TNS1: variants seen among roughly 807,000 people sequenced by gnomAD.
TNS1 encodes tensin-1.
Under a neutral mutation model 168.6 loss-of-function variants are expected in TNS1, and 62 were observed. The ratio of observed to expected loss-of-function variants is 0.37; its 90% CI spans 0.30 to 0.45. The LOEUF is 0.45. TNS1 is among the 20% of genes least tolerant of loss of function. The probability of loss-of-function intolerance (pLI) is 1.00; values close to 1 mark genes in which losing one functional copy is unlikely to be tolerated. For synonymous variants in TNS1, 934 were observed against 933.2 expected (o/e 1.00, Z -0.02); for missense variants, 2,240 against 2,339.4 (o/e 0.96, Z 0.88).
At chr2:217,978,244 C>G (rs1045856249) in intron 3 of TNS1, among the ~76,000 whole-genome samples, 7 of 152,200 alleles carry the variant, frequency 4.6e-5, no homozygotes, top group Admixed American at 4.6e-4. Context: ...AAGGGACAGT[C>G]TCTCAGGCGG....
At chr2:217,864,299 G>A (rs1194237542) in intron 18 of TNS1, among the ~76,000 whole-genome samples, 1 of 152,228 alleles carries the variant, frequency 6.6e-6, no homozygotes, top group Non-Finnish European at 1.5e-5. Flanking sequence ...GCGAAGGAGA[G>A]GGTAGAATGG....
intron 3 of TNS1, among the ~76,000 whole-genome samples, chr2:217,952,408 T>C (rs1957265080): frequency 6.6e-6 from 1 of 152,080 alleles, no homozygotes; most frequent in African/African-American, 2.4e-5. Context: ...TCATATTGCC[T>C]CTAAAAGGCC....
intron 2 of TNS1, among the ~76,000 whole-genome samples, chr2:217,989,698 G>A (rs1046556351): frequency 2.6e-5 from 4 of 152,096 alleles, no homozygotes; most frequent in African/African-American, 9.7e-5. Flanking sequence ...CGCTGAGTCT[G>A]ACTCGGGGCC....
rs1204374758 is a variant in TNS1, at chr2:217,813,038, G to A, written c.4954+177C>T. ...CAAACACAGACTGCAGTTTGGCAGAGTTAGGAGCCGCACTGCGGAGGGAGA... is the reference window on the plus strand; with the variant it reads ...CAAACACAGACTGCAGTTTGGCAGAATTAGGAGCCGCACTGCGGAGGGAGA... On this transcript the variant is annotated intron_variant, in intron 27 of 32. Coordinates refer to ENST00000682258, the MANE Select transcript of TNS1 (RefSeq NM_001387777.1). This position sits in a 1 kb window ranked among gnomAD's most constrained non-coding sequence, Gnocchi z 4.0. Among the ~76,000 whole-genome samples, 1 of 152,356 alleles carries A rather than the reference G, an allele frequency of 6.6e-6. No homozygotes were observed. Among genetic ancestry groups the A allele is most frequent in the Non-Finnish European group, 1.5e-5 (1 of 68,038 alleles).
chr2:217,892,803 G>A, intron 11 of TNS1, 145 bp downstream of exon 11: 1 of 865,436 alleles, frequency 1.2e-6, no homozygotes, highest in Admixed American at 2.8e-5. Context: ...CTCAGAGCCA[G>A]GGGCCCCTTC....
intron 6 of TNS1, 110 bp downstream of exon 6, chr2:217,906,225 G>C (rs1365087870): frequency 1.5e-6 from 1 of 656,646 alleles, no homozygotes; most frequent in Non-Finnish European, 2.8e-6. Context: ...TCCTTCTAGA[G>C]AGAGGTAAAG....
chr2:218,013,705 C>G (rs1367065423), upstream of TNS1, among the ~76,000 whole-genome samples: 1 of 152,108 alleles, frequency 6.6e-6, no homozygotes, highest in Non-Finnish European at 1.5e-5. Context: ...TCCTCCCTCC[C>G]GCACCTCTCC....
At chr2:217,830,446 G>A in intron 22 of TNS1, 1 of 1,599,688 alleles carries the variant, frequency 6.3e-7, no homozygotes, top group African/African-American at 1.3e-5. Context: ...TAAAACCAGA[G>A]TCCAGGGAGC....
chr2:217,953,656 C>T (rs893540578), intron 3 of TNS1, among the ~76,000 whole-genome samples: 1 of 152,126 alleles, frequency 6.6e-6, no homozygotes, highest in South Asian at 2.1e-4. Context: ...TGCCAAAGAG[C>T]CCGCTCCCAC....
intron 4 of TNS1, among the ~76,000 whole-genome samples, chr2:217,912,943 T>C (rs1954596206): frequency 6.6e-6 from 1 of 152,194 alleles, no homozygotes; most frequent in South Asian, 2.1e-4. Context: ...AACACCTTTC[T>C]GCAAATGAGG....
intron 3 of TNS1, among the ~76,000 whole-genome samples, chr2:217,936,202 A>T (rs1345859471): frequency 6.6e-6 from 1 of 152,084 alleles, no homozygotes; most frequent in East Asian, 1.9e-4. Flanking sequence ...TCGTTCATTC[A>T]TTCATTCATT....
intron 6 of TNS1, among the ~76,000 whole-genome samples, chr2:217,906,061 C>T (rs900360760): frequency 7.9e-5 from 12 of 152,206 alleles, no homozygotes; most frequent in Admixed American, 7.8e-4. Flanking sequence ...CCCATGGCCA[C>T]TCATCACACA....
At chr2:217,990,540 T>A (rs1021327615) in intron 2 of TNS1, among the ~76,000 whole-genome samples, 29 of 149,902 alleles carry the variant, frequency 1.9e-4, no homozygotes, top group African/African-American at 7.2e-4. Flanking sequence ...CCACACATCG[T>A]CAACATGCAT....
At chr2:218,023,528 T>C (rs765203584) in intron 1 of TNS1, among the ~76,000 whole-genome samples, 1 of 152,134 alleles carries the variant, frequency 6.6e-6, no homozygotes, top group African/African-American at 2.4e-5. Context: ...CCTGGCCAAG[T>C]CAGCAAGTGA....
chr2:217,811,906 G>T (rs1940985864), intron 28 of TNS1, among the ~76,000 whole-genome samples: 1 of 152,184 alleles, frequency 6.6e-6, no homozygotes, highest in Admixed American at 6.5e-5. Context: ...CCAGCACACA[G>T]ATTAGAAAGT....
chr2:217,813,574 C>G lies in TNS1; in HGVS notation c.4861+111G>C. ...GCCCAAGACACCCTCTTCCGAAGAG[C>G]CTGATGGGAGTTAAGGTCCTGCCCA... On this transcript the variant is annotated intron_variant, in intron 26 of 32. Transcript: ENST00000682258. This position sits in a 1 kb window ranked among gnomAD's most constrained non-coding sequence, Gnocchi z 4.0. 6.9e-7 allele frequency: 1 copy of G among 1,457,890 alleles called. No individual in the cohort carries two copies. The highest frequency in any genetic ancestry group is 1.4e-5 in the South Asian group (1 of 72,444). The allele number at this position is 1,457,890 out of a possible 1,614,324, so 90.3% of individuals were successfully genotyped here.
intron 19 of TNS1, among the ~76,000 whole-genome samples, chr2:217,839,779 A>G (rs967147343): frequency 5.3e-5 from 8 of 152,106 alleles, no homozygotes; most frequent in African/African-American, 1.9e-4. Context: ...CAGTCTTCCG[A>G]TTTCCAAAAG....
rs897147402 is a variant in TNS1 at position 217,831,615 on chromosome 2, C to A, written c.3281-68G>T. 1.3e-5 allele frequency: 17 copies of A among 1,271,544 alleles called. No homozygotes were observed. In the Middle Eastern group the frequency reaches 1.1e-3, roughly 86 times the overall value. 78.8% of individuals were successfully genotyped at this position (1,271,544 alleles called of 1,614,324 possible). On this transcript the variant is annotated intron_variant, in intron 21 of 32. Transcript: ENST00000682258. ...GGCAGGAGGGCAGACACGCCAGGCA[C>A]GTGAGGGCACGCTTAGTGAGGGCTG...
At chr2:217,807,994 G>A in intron 32 of TNS1, 81 bp downstream of exon 32, 1 of 1,545,504 alleles carries the variant, frequency 6.5e-7, no homozygotes, top group South Asian at 1.1e-5. Flanking sequence ...CCCAGCCCTG[G>A]TTTCTAAATG....
Sources: gnomAD v4.1 joint callset for allele counts (sites outside exome capture counted in the v4.1 genomes callset) on GRCh38, gnomAD v4.1.1 for gene constraint, Gnocchi (gnomAD v3.1) non-coding constraint, MANE v1.5 for transcripts, NCBI Gene and HGNC (gene_info 2026-07-23, HGNC 2026-07-21) for gene names.